Variants in MARCHF6 observed in about 807,000 individuals in gnomAD.
MARCHF6 encodes the protein E3 ubiquitin-protein ligase MARCHF6.
In MARCHF6, 31 loss-of-function variants were observed where a neutral mutation model predicts 133.7. The ratio of observed to expected loss-of-function variants is 0.23; its 90% CI spans 0.17 to 0.31. The LOEUF (loss-of-function observed/expected upper bound fraction) is 0.31, where lower values mean the gene tolerates loss of function less well. Among genes scored for constraint, MARCHF6 ranks in the 10% least tolerant of loss-of-function variants. The probability of loss-of-function intolerance (pLI) is 1.00; values close to 1 mark genes in which losing one functional copy is unlikely to be tolerated. For missense variants in MARCHF6, 723 were observed against 1,121.6 expected (o/e 0.64, Z 5.08); for synonymous variants, 395 against 402.5 (o/e 0.98, Z 0.22).
At chr5:10,396,977 G>T (rs961818145) in intron 9 of MARCHF6, among the ~76,000 whole-genome samples, 2 of 152,152 alleles carry the variant, frequency 1.3e-5, no homozygotes, top group African/African-American at 4.8e-5. Flanking sequence ...AGTGTCATTT[G>T]ATTTAAATGA....
intron 3 of MARCHF6, among the ~76,000 whole-genome samples, chr5:10,380,654 T>C (rs1737078417): frequency 6.6e-6 from 1 of 152,180 alleles, no homozygotes; most frequent in South Asian, 2.1e-4. Context: ...GGCCAGGTGC[T>C]GTGGCTCACC....
At chr5:10,408,033 A>G (rs1739013861) in intron 17 of MARCHF6, among the ~76,000 whole-genome samples, 1 of 145,370 alleles carries the variant, frequency 6.9e-6, no homozygotes, top group Non-Finnish European at 1.5e-5. Context: ...TATGCTCTTT[A>G]GGGATTTGTA....
intron 1 of MARCHF6, among the ~76,000 whole-genome samples, chr5:10,358,336 G>C (rs746848016): frequency 7.2e-5 from 11 of 152,188 alleles, no homozygotes; most frequent in South Asian, 2.1e-4. Flanking sequence ...TTTATAGTGA[G>C]ATAGGGAGCT....
chr5:10,374,683 A>T (rs1323224052), intron 1 of MARCHF6, among the ~76,000 whole-genome samples: 1 of 152,194 alleles, frequency 6.6e-6, no homozygotes, highest in African/African-American at 2.4e-5. Flanking sequence ...TGAAGGTGAA[A>T]GTGGGAAGTT....
chr5:10,368,965 A>G (rs1201540531), intron 1 of MARCHF6, among the ~76,000 whole-genome samples: 1 of 152,102 alleles, frequency 6.6e-6, no homozygotes, highest in Non-Finnish European at 1.5e-5. Context: ...TCTTTAAAAA[A>G]AAAAAAAAAA....
intron 23 of MARCHF6, among the ~76,000 whole-genome samples, chr5:10,425,404 G>A (rs1029030934): frequency 2.2e-4 from 34 of 152,202 alleles, no homozygotes; most frequent in African/African-American, 7.2e-4. Context: ...CATACTGGAG[G>A]CTGTGGAACA....
At chr5:10,391,448 T>TTG (rs1287249521) in intron 6 of MARCHF6, 94 bp from the exon 7 acceptor site, 4 of 536,240 alleles carry the variant, frequency 7.5e-6, no homozygotes, top group East Asian at 9.2e-5. Context: ...TTTTTTTTTT[T>TTG]TTTTTTTTTT....
At chr5:10,396,643 G>A (rs979182412) in intron 9 of MARCHF6, among the ~76,000 whole-genome samples, 1 of 152,214 alleles carries the variant, frequency 6.6e-6, no homozygotes, top group African/African-American at 2.4e-5. Flanking sequence ...AGTCTGGTCA[G>A]TGTCAGCATG....
At chr5:10,364,149 A>G (rs369147871) in intron 1 of MARCHF6, among the ~76,000 whole-genome samples, 4 of 152,252 alleles carry the variant, frequency 2.6e-5, no homozygotes, top group South Asian at 2.1e-4. Context: ...TTACATACCT[A>G]TTAGTGTGGC....
intron 22 of MARCHF6, 117 bp downstream of exon 22, chr5:10,417,521 G>A: frequency 1.5e-6 from 2 of 1,334,030 alleles, no homozygotes; most frequent in Non-Finnish European, 2.1e-6. Context: ...TGAGGTGGGA[G>A]GACTGCTTGC....
At chr5:10,380,192 T>TG (rs533171807) in intron 3 of MARCHF6, among the ~76,000 whole-genome samples, 2 of 150,518 alleles carry the variant, frequency 1.3e-5, no homozygotes, top group African/African-American at 4.9e-5. Context: ...TGTGTGTGTG[T>TG]TTAAGCATCT....
rs142403172 is a variant in MARCHF6 at position 10,410,262 on chromosome 5, C to T, written c.1677C>T (p.Thr559=). 3.5e-4 allele frequency: 568 copies of T among 1,612,804 alleles called. 2 individuals carry two copies. The Middle Eastern group carries it at 6.0e-3, about 17-fold the overall frequency. Residue 559 remains threonine, a synonymous_variant, in exon 18 of 26, where the codon ACC becomes ACT. Coordinates refer to ENST00000274140, the MANE Select transcript of MARCHF6 (RefSeq NM_005885.4). ...LKGLVRAWTV[T]AGYLLDLHSY... ...GGCTGGTGCGAGCGTGGACTGTGAC[C>T]GCCGGATACTTGCTGTGAGTATGGG...
At chr5:10,391,397 T>C (rs1737820949) in intron 6 of MARCHF6, 145 bp from the exon 7 acceptor site, 1 of 581,526 alleles carries the variant, frequency 1.7e-6, no homozygotes, top group Non-Finnish European at 2.9e-6. Context: ...CCTCCCAAAG[T>C]GCTAGGATTA....
At position 10,433,732 on chromosome 5, in the gene MARCHF6, G is replaced by A; in HGVS notation, c.*48G>A. Reference sequence around the variant, plus strand: ...CCTTCCCCTTTACATGTCCTTTTTTGTGGACTTCTCTCTTTGGAGATTTTT... The same window carrying A: ...CCTTCCCCTTTACATGTCCTTTTTTATGGACTTCTCTCTTTGGAGATTTTT... On this transcript the variant is annotated 3_prime_UTR_variant, in exon 26 of 26. Coordinates refer to ENST00000274140, the MANE Select transcript of MARCHF6 (RefSeq NM_005885.4). The A allele has an allele frequency of 2.1e-6, 3 of 1,462,826 alleles. No individual in the cohort carries two copies. The highest frequency in any genetic ancestry group is 2.9e-6 in the Non-Finnish European group (3 of 1,043,032). 90.6% of individuals were successfully genotyped at this position (1,462,826 alleles called of 1,614,324 possible). A position where few individuals can be genotyped will look rare whatever the true frequency, so the allele number is the denominator to read the frequency against.
intron 23 of MARCHF6, among the ~76,000 whole-genome samples, chr5:10,424,250 G>A (rs1213204217): frequency 6.6e-6 from 1 of 152,130 alleles, no homozygotes; most frequent in African/African-American, 2.4e-5. Context: ...TGGCAAGTGA[G>A]GGGAAGCAAA....
At chr5:10,376,296 C>T (rs966672404) in intron 1 of MARCHF6, among the ~76,000 whole-genome samples, 4 of 152,056 alleles carry the variant, frequency 2.6e-5, no homozygotes, top group Middle Eastern at 3.4e-3. Flanking sequence ...CGAACAACTC[C>T]AGACGCGCTG....
At chr5:10,365,638 C>T (rs1375297252) in intron 1 of MARCHF6, among the ~76,000 whole-genome samples, 1 of 152,136 alleles carries the variant, frequency 6.6e-6, no homozygotes, top group Non-Finnish European at 1.5e-5. Flanking sequence ...AATTCCCAAA[C>T]CCACATAGTT....
chr5:10,360,338 G>A (rs1735748854), intron 1 of MARCHF6, among the ~76,000 whole-genome samples: 1 of 151,670 alleles, frequency 6.6e-6, no homozygotes, highest in South Asian at 2.1e-4. Context: ...TCGTAGAGAT[G>A]GGGTTTCATC....
chr5:10,401,454 C>T (rs1244889018), intron 11 of MARCHF6: 1 of 153,444 alleles, frequency 6.5e-6, no homozygotes, highest in African/African-American at 2.4e-5. Context: ...CTCTGATTCT[C>T]ACTAGTTGAA....
Sources: gnomAD v4.1 joint callset for allele counts (sites outside exome capture counted in the v4.1 genomes callset) on GRCh38, gnomAD v4.1.1 for gene constraint, MANE v1.5 for transcripts, NCBI Gene and HGNC (gene_info 2026-07-23, HGNC 2026-07-21) for gene names.